Variants in ERBB4 observed in about 807,000 individuals in gnomAD.
ERBB4 encodes erb-b2 receptor tyrosine kinase 4.
In ERBB4, 42 loss-of-function variants were observed where a neutral mutation model predicts 158.0. That is an observed-to-expected ratio of 0.27 (90% CI 0.21 to 0.34). The LOEUF is 0.34. Among genes scored for constraint, ERBB4 ranks in the 10% least tolerant of loss-of-function variants. The pLI is 1.00. For missense variants in ERBB4, 1,333 were observed against 1,624.1 expected, an observed-to-expected ratio of 0.82 and a Z score of 3.08; for synonymous variants, 583 against 558.7, an observed-to-expected ratio of 1.04 and a Z score of -0.61.
At chr2:211,716,930 A>G (rs1411924442) in intron 7 of ERBB4, among the ~76,000 whole-genome samples, 1 of 152,216 alleles carries the variant, frequency 6.6e-6, no homozygotes, top group Non-Finnish European at 1.5e-5. Context: ...CAAGTCAGGT[A>G]ATTTCACACA....
intron 1 of ERBB4, among the ~76,000 whole-genome samples, chr2:212,325,760 T>C (rs1417958828): frequency 6.7e-6 from 1 of 150,306 alleles, no homozygotes; most frequent in Non-Finnish European, 1.5e-5. Flanking sequence ...TGGGTTAAAA[T>C]GCAGCACAAA....
At chr2:212,330,373 C>T (rs1488725340) in intron 1 of ERBB4, among the ~76,000 whole-genome samples, 1 of 152,038 alleles carries the variant, frequency 6.6e-6, no homozygotes, top group Non-Finnish European at 1.5e-5. Flanking sequence ...ATCAACAGCA[C>T]TTTAGAAGCC....
At chr2:211,944,257 A>G (rs2080615763) in intron 3 of ERBB4, among the ~76,000 whole-genome samples, 1 of 143,448 alleles carries the variant, frequency 7.0e-6, no homozygotes, top group Admixed American at 7.2e-5. Context: ...TCTTCATCTC[A>G]AAACTCTTGG....
At chr2:212,485,606 T>A (rs73063184) in intron 1 of ERBB4, among the ~76,000 whole-genome samples, 12,680 of 152,190 alleles carry the variant, frequency 0.083, 838 homozygotes, top group African/African-American at 0.18. Context: ...TGTTAAAAAA[T>A]TTATTATAAA....
At chr2:211,604,774 T>C (rs1177012788) in intron 19 of ERBB4, among the ~76,000 whole-genome samples, 1 of 152,212 alleles carries the variant, frequency 6.6e-6, no homozygotes, top group Non-Finnish European at 1.5e-5. Flanking sequence ...TTGAATGCAT[T>C]TCACTTAAGG....
chr2:211,880,265 T>TA (rs1343068852), intron 3 of ERBB4, among the ~76,000 whole-genome samples: 3 of 152,180 alleles, frequency 2.0e-5, no homozygotes, highest in Non-Finnish European at 4.4e-5. Flanking sequence ...ATCCTTGTCT[T>TA]ACGCTAGATC....
intron 19 of ERBB4, among the ~76,000 whole-genome samples, chr2:211,575,016 A>G (rs996067018): frequency 6.6e-6 from 1 of 152,212 alleles, no homozygotes; most frequent in Admixed American, 6.5e-5. Context: ...TATTATGTTA[A>G]TTTACTGATA....
At chr2:212,238,507 G>C (rs2083963147) in intron 1 of ERBB4, among the ~76,000 whole-genome samples, 1 of 137,662 alleles carries the variant, frequency 7.3e-6, no homozygotes, top group African/African-American at 2.7e-5. Flanking sequence ...CTGCAGACCA[G>C]AGCTGTTCTT....
chr2:212,345,513 TA>T (rs1210381146), intron 1 of ERBB4, among the ~76,000 whole-genome samples: 1 of 151,966 alleles, frequency 6.6e-6, no homozygotes, highest in Admixed American at 6.6e-5. Context: ...GGCAAAGCTT[TA>T]AAAAATGGAG....
At chr2:211,510,902 T>A (rs2065869218) in intron 20 of ERBB4, among the ~76,000 whole-genome samples, 1 of 152,020 alleles carries the variant, frequency 6.6e-6, no homozygotes, top group South Asian at 2.1e-4. Flanking sequence ...TATATTTATA[T>A]CTTGAAACAA....
At chr2:211,439,311 T>C (rs1386042682) in intron 20 of ERBB4, among the ~76,000 whole-genome samples, 4 of 152,104 alleles carry the variant, frequency 2.6e-5, no homozygotes, top group Admixed American at 6.5e-5. Flanking sequence ...GAAGACACAG[T>C]GAAATTCACA....
At chr2:212,127,800 G>A (rs1020063106) in intron 1 of ERBB4, among the ~76,000 whole-genome samples, 1 of 152,030 alleles carries the variant, frequency 6.6e-6, no homozygotes, top group Admixed American at 6.6e-5. Flanking sequence ...GCAAAGGGTA[G>A]AGCTATGTAC....
chr2:212,190,293 T>G (rs752101757), intron 1 of ERBB4, among the ~76,000 whole-genome samples: 1 of 152,150 alleles, frequency 6.6e-6, no homozygotes, highest in East Asian at 1.9e-4. Flanking sequence ...TCCCAGCACT[T>G]TGGGAGGCCA....
chr2:212,375,306 T>C (rs896109256), intron 1 of ERBB4, among the ~76,000 whole-genome samples: 2 of 152,124 alleles, frequency 1.3e-5, no homozygotes, highest in Non-Finnish European at 2.9e-5. Flanking sequence ...GGCTGTTTTG[T>C]TGTAAACAAT....
At chr2:211,667,112 CA>C (rs1402797805) in intron 14 of ERBB4, among the ~76,000 whole-genome samples, 4 of 150,578 alleles carry the variant, frequency 2.7e-5, no homozygotes, top group Admixed American at 6.6e-5. Context: ...AAAAAAATTG[CA>C]AAAAAACTCA....
intron 1 of ERBB4, among the ~76,000 whole-genome samples, chr2:212,507,747 T>C (rs1245019821): frequency 1.3e-5 from 2 of 152,174 alleles, no homozygotes; most frequent in Non-Finnish European, 2.9e-5. Flanking sequence ...AAGAAAGTTG[T>C]TTTTTGACAT....
chr2:212,140,429 T>G (rs1450048419), intron 1 of ERBB4, among the ~76,000 whole-genome samples: 1 of 147,560 alleles, frequency 6.8e-6, no homozygotes, highest in African/African-American at 2.5e-5. Flanking sequence ...ATGTTATATA[T>G]ATATACATAT....
chr2:212,138,317 G>A (rs780906473), intron 1 of ERBB4, among the ~76,000 whole-genome samples: 6 of 152,112 alleles, frequency 3.9e-5, no homozygotes, highest in Non-Finnish European at 7.4e-5. Context: ...AGTCAATGAT[G>A]TTACCGATCT....
chr2:211,822,322 T>C (rs1364737563), intron 3 of ERBB4, among the ~76,000 whole-genome samples: 5 of 151,924 alleles, frequency 3.3e-5, no homozygotes, highest in Non-Finnish European at 4.4e-5. Flanking sequence ...AAAGAAATGT[T>C]TGAGATAATG....
Sources: allele counts gnomAD v4.1 joint callset (sites outside exome capture counted in the v4.1 genomes callset), GRCh38; gene constraint gnomAD v4.1.1; transcripts MANE v1.5; gene names NCBI Gene and HGNC (gene_info 2026-07-23, HGNC 2026-07-21).